KCNQ3: variants seen among roughly 807,000 people sequenced by gnomAD.
KCNQ3 encodes potassium voltage-gated channel subfamily KQT member 3.
A neutral mutation model predicts 92.5 loss-of-function variants in KCNQ3; 30 were observed. The ratio of observed to expected loss-of-function variants is 0.32; its 90% confidence interval spans 0.24 to 0.44. KCNQ3 has a LOEUF of 0.44. KCNQ3 is among the 20% of genes least tolerant of loss of function. The pLI, the probability that KCNQ3 is intolerant of heterozygous loss-of-function variation, is 1.00. For synonymous variants in KCNQ3, 450 were observed against 468.8 expected (o/e 0.96, Z 0.52); for missense variants, 913 against 1,140.3 (o/e 0.80, Z 2.87).
chr8:132,254,227 C>G (rs1815505521), intron 1 of KCNQ3, among the ~76,000 whole-genome samples: 1 of 152,202 alleles, frequency 6.6e-6, no homozygotes, highest in Admixed American at 6.5e-5. Flanking sequence ...GTGAAACGAG[C>G]AGGAAAGTGC....
chr8:132,184,254 G>A lies in KCNQ3; in HGVS notation c.591C>T (p.Pro197=), dbSNP rs774827769. ...GTCAGGACTTACCCAACATGCACAG[G>A]GGCTTCCTGGCAAACTTCAGTCGGC... is the stretch of plus-strand genomic sequence containing the variant. ...WRGRLKFARK[P]LCMLDIFVLI... Residue 197 remains proline (P), a synonymous_variant, in exon 3 of 15, where the codon CCC becomes CCT. Transcript: ENST00000388996. 6.2e-7 allele frequency: 1 copy of A among 1,614,164 alleles called. No homozygotes were observed. The highest frequency in any genetic ancestry group is 8.5e-7 in the Non-Finnish European group (1 of 1,180,032).
chr8:132,359,836 C>G (rs1262979809), intron 1 of KCNQ3, among the ~76,000 whole-genome samples: 1 of 152,202 alleles, frequency 6.6e-6, no homozygotes, highest in Non-Finnish European at 1.5e-5. Flanking sequence ...CCAGGAAGCC[C>G]AGGCCCATGC....
chr8:132,372,930 A>C (rs1036069870), intron 1 of KCNQ3, among the ~76,000 whole-genome samples: 13 of 152,280 alleles, frequency 8.5e-5, no homozygotes, highest in Admixed American at 3.9e-4. Flanking sequence ...TTCCCTGTGA[A>C]CGTTAGCATG....
At chr8:132,163,328 T>C (rs1826047012) in intron 9 of KCNQ3, 140 bp downstream of exon 9, 3 of 768,966 alleles carry the variant, frequency 3.9e-6, no homozygotes, top group Middle Eastern at 2.6e-4. Context: ...CAGAGGACTA[T>C]GGTGGTCAGC....
At chr8:132,444,787 G>A (rs1821631916) in intron 1 of KCNQ3, among the ~76,000 whole-genome samples, 1 of 152,272 alleles carries the variant, frequency 6.6e-6, no homozygotes, top group South Asian at 2.1e-4. Context: ...ACTGAATCAG[G>A]CATGGGACTC....
At chr8:132,142,341 C>T (rs1235853858) in intron 9 of KCNQ3, among the ~76,000 whole-genome samples, 3 of 152,132 alleles carry the variant, frequency 2.0e-5, no homozygotes, top group Non-Finnish European at 4.4e-5. Flanking sequence ...GGCTGACCTT[C>T]GGCAAATCTG....
At chr8:132,436,878 A>G (rs1294436179) in intron 1 of KCNQ3, among the ~76,000 whole-genome samples, 1 of 152,000 alleles carries the variant, frequency 6.6e-6, no homozygotes, top group Non-Finnish European at 1.5e-5. Flanking sequence ...ATTTCCACCC[A>G]CTTACTCCAG....
chr8:132,274,153 C>A (rs1816250294), intron 1 of KCNQ3, among the ~76,000 whole-genome samples: 1 of 152,126 alleles, frequency 6.6e-6, no homozygotes, highest in South Asian at 2.1e-4. Flanking sequence ...TAAAGACATA[C>A]CAGAGACTGG....
At chr8:132,440,878 G>C (rs187876398) in intron 1 of KCNQ3, among the ~76,000 whole-genome samples, 1 of 152,246 alleles carries the variant, frequency 6.6e-6, no homozygotes, top group African/African-American at 2.4e-5. Flanking sequence ...TATTTATCAG[G>C]GACCATGAGT....
intron 14 of KCNQ3, among the ~76,000 whole-genome samples, chr8:132,130,718 G>T (rs1340654633): frequency 6.6e-6 from 1 of 152,224 alleles, no homozygotes; most frequent in Non-Finnish European, 1.5e-5. Flanking sequence ...TCTACATGGT[G>T]ATTTAAGCCC....
At position 132,153,954 on chromosome 8, in the gene KCNQ3, C is replaced by A. The variant is rs541314012; in HGVS notation, c.1262+9514G>T. The stretch of plus-strand genomic sequence containing the variant: ...AGCCATTCATCTTCAGTCTGTACCC[C>A]TTTCAAATGCATCCTGAACCCCTGG... On this transcript the variant is annotated intron_variant, in intron 9 of 14. Coordinates refer to ENST00000388996, the MANE Select transcript of KCNQ3 (RefSeq NM_004519.4). 4.6e-5 allele frequency among the ~76,000 whole-genome samples: 7 copies of A among 151,900 alleles called. No individual in the cohort carries two copies. The East Asian group carries it at 1.4e-3, about 30-fold the overall frequency.
chr8:132,321,576 T>C (rs1401258657), intron 1 of KCNQ3: 1 of 152,372 alleles, frequency 6.6e-6, no homozygotes, highest in Non-Finnish European at 1.5e-5. Context: ...TAGCCAAGCA[T>C]ACTGGGTCAT....
In KCNQ3 at chr8:132,254,696, T is replaced by C. The variant is rs370798161; in HGVS notation, c.387-68515A>G. ...GAGTTTGAGACCAGCCTGGCCAACA[T>C]AGTGAAACCCCATCTCTACTAAAAA... On this transcript the variant is annotated intron_variant, in intron 1 of 14. Coordinates refer to ENST00000388996, the MANE Select transcript of KCNQ3 (RefSeq NM_004519.4). 1.8e-4 allele frequency among the ~76,000 whole-genome samples: 27 copies of C among 152,222 alleles called. No homozygotes were observed. The East Asian group carries it at 3.7e-3, about 21-fold the overall frequency.
At chr8:132,242,153 A>G (rs1209441475) in intron 1 of KCNQ3, among the ~76,000 whole-genome samples, 1 of 152,184 alleles carries the variant, frequency 6.6e-6, no homozygotes, top group East Asian at 1.9e-4. Context: ...AGTACCTCAT[A>G]TGTGGGTAAG....
chr8:132,359,335 C>A (rs1195512616), intron 1 of KCNQ3, among the ~76,000 whole-genome samples: 23 of 152,182 alleles, frequency 1.5e-4, no homozygotes, highest in Admixed American at 1.5e-3. Flanking sequence ...AATTTCCCAG[C>A]ATTGTTGGTG....
intron 1 of KCNQ3, among the ~76,000 whole-genome samples, chr8:132,450,947 G>C (rs1821805172): frequency 6.6e-6 from 1 of 152,336 alleles, no homozygotes; most frequent in African/African-American, 2.4e-5. Flanking sequence ...GGAATGTCTA[G>C]AAATAACGTC....
intron 6 of KCNQ3, 99 bp downstream of exon 6, chr8:132,174,140 A>G: frequency 2.4e-6 from 2 of 835,436 alleles, no homozygotes; most frequent in Non-Finnish European, 4.0e-6. Flanking sequence ...TTGGTAGGGT[A>G]TAAGAGGATA....
chr8:132,415,283 G>A (rs1820765108), intron 1 of KCNQ3, among the ~76,000 whole-genome samples: 1 of 152,090 alleles, frequency 6.6e-6, no homozygotes, highest in Non-Finnish European at 1.5e-5. Context: ...CAGGCATAAG[G>A]ATTCAGGAAC....
chr8:132,367,215 C>T (rs984937284), intron 1 of KCNQ3, among the ~76,000 whole-genome samples: 1 of 152,204 alleles, frequency 6.6e-6, no homozygotes, highest in African/African-American at 2.4e-5. Flanking sequence ...CAATTGTTTT[C>T]TCTTGCATAT....
Sources: gnomAD v4.1 joint callset for allele counts (sites outside exome capture counted in the v4.1 genomes callset) on GRCh38, gnomAD v4.1.1 for gene constraint, MANE v1.5 for transcripts, NCBI Gene and HGNC (gene_info 2026-07-23, HGNC 2026-07-21) for gene names.